SEMA3A: variants seen among roughly 807,000 people sequenced by gnomAD.
SEMA3A encodes the protein semaphorin 3A, also known as semaphorin-3A.
Under a neutral mutation model 97.9 loss-of-function variants are expected in SEMA3A, and 29 were observed. The observed-to-expected ratio is 0.30, with a 90% CI of 0.22 to 0.40. SEMA3A has a LOEUF of 0.40. Among genes scored for constraint, SEMA3A ranks in the 10% least tolerant of loss-of-function variants. The probability of loss-of-function intolerance (pLI) is 1.00; values close to 1 mark genes in which losing one functional copy is unlikely to be tolerated. For synonymous variants in SEMA3A, 321 were observed against 323.7 expected (o/e 0.99, Z 0.09); for missense variants, 763 against 951.3 (o/e 0.80, Z 2.60).
chr7:84,475,813 T>C (rs1806267201), intron 1 of SEMA3A, among the ~76,000 whole-genome samples: 1 of 152,218 alleles, frequency 6.6e-6, no homozygotes, highest in African/African-American at 2.4e-5. Flanking sequence ...AATTATTCCC[T>C]ATAGAATAGT....
At chr7:84,319,880 A>G (rs1278769407) in intron 2 of SEMA3A, among the ~76,000 whole-genome samples, 1 of 152,196 alleles carries the variant, frequency 6.6e-6, no homozygotes, top group African/African-American at 2.4e-5. Context: ...TCACAATATA[A>G]TGGATTTTCC....
intron 4 of SEMA3A, among the ~76,000 whole-genome samples, chr7:84,078,745 T>C (rs967955984): frequency 6.6e-6 from 1 of 151,884 alleles, no homozygotes; most frequent in Non-Finnish European, 1.5e-5. Context: ...ATATATATGT[T>C]ATATATACAC....
intron 1 of SEMA3A, among the ~76,000 whole-genome samples, chr7:84,171,779 A>G (rs1318958214): frequency 6.6e-6 from 1 of 152,156 alleles, no homozygotes; most frequent in Non-Finnish European, 1.5e-5. Flanking sequence ...GGAGGACCAA[A>G]TTATTTTAAT....
At chr7:84,467,524 CTA>C (rs1491298849) in intron 1 of SEMA3A, among the ~76,000 whole-genome samples, 1 of 69,956 alleles carries the variant, frequency 1.4e-5, no homozygotes, top group Non-Finnish European at 2.3e-5. Flanking sequence ...GAGACTCCTT[CTA>C]AAAAAAAAAA....
chr7:84,206,837 T>A (rs140065430), intron 3 of SEMA3A, among the ~76,000 whole-genome samples: 128 of 141,666 alleles, frequency 9.0e-4, no homozygotes, highest in African/African-American at 3.0e-3. Flanking sequence ...CAGGATATGG[T>A]AAAAAAAAAA....
At chr7:83,966,044 T>C (rs916957430) in intron 15 of SEMA3A, among the ~76,000 whole-genome samples, 5 of 151,992 alleles carry the variant, frequency 3.3e-5, no homozygotes, top group African/African-American at 9.7e-5. Context: ...ATCATTCTAG[T>C]TAGTCCACAG....
At chr7:84,116,423 A>G (rs1353515264) in intron 3 of SEMA3A, among the ~76,000 whole-genome samples, 2 of 152,190 alleles carry the variant, frequency 1.3e-5, no homozygotes, top group Non-Finnish European at 2.9e-5. Flanking sequence ...AACTTTTACA[A>G]TATAAAAAGG....
In SEMA3A at chr7:84,256,786, A is replaced by G. The variant is rs551744470; in HGVS notation, c.-83+50421T>C. Among the ~76,000 whole-genome samples, 5 of 152,154 alleles carry G rather than the reference A, an allele frequency of 3.3e-5. No individual in the cohort carries two copies. In the East Asian group the frequency reaches 9.7e-4, roughly 29 times the overall value. On this transcript the variant is annotated intron_variant, in intron 3 of 3. Transcript: ENST00000424555. ...TTTTAAACTTGTTTATGAGACATAA[A>G]TACAAAGTATTCTAAACCCTATAAT...
intron 1 of SEMA3A, among the ~76,000 whole-genome samples, chr7:84,399,015 C>T (rs753736147): frequency 6.6e-6 from 1 of 151,946 alleles, no homozygotes; most frequent in Admixed American, 6.6e-5. Flanking sequence ...AGCATAATGA[C>T]AAGAAAATAT....
chr7:84,407,100 G>C, intron 1 of SEMA3A, among the ~76,000 whole-genome samples: 1 of 152,126 alleles, frequency 6.6e-6, no homozygotes, highest in Non-Finnish European at 1.5e-5. Context: ...AGGAAAAGAG[G>C]AATTCAAATT....
chr7:84,468,287 T>G (rs1290799877), intron 1 of SEMA3A, among the ~76,000 whole-genome samples: 3 of 152,178 alleles, frequency 2.0e-5, no homozygotes, highest in African/African-American at 2.4e-5. Flanking sequence ...TGCAGAGCCC[T>G]TTTCCCCATC....
intron 15 of SEMA3A, among the ~76,000 whole-genome samples, chr7:83,972,014 C>T (rs913501686): frequency 1.1e-4 from 7 of 64,786 alleles, no homozygotes; most frequent in African/African-American, 3.3e-4. Flanking sequence ...TACATATATA[C>T]GTGTGTGTCT....
intron 1 of SEMA3A, among the ~76,000 whole-genome samples, chr7:84,181,370 A>G (rs2116237122): frequency 6.7e-6 from 1 of 150,264 alleles, no homozygotes; most frequent in East Asian, 1.9e-4. Context: ...GAAAGACTAT[A>G]TAACAGGAAA....
At chr7:84,405,892 C>T (rs1355135298) in intron 1 of SEMA3A, among the ~76,000 whole-genome samples, 4 of 152,068 alleles carry the variant, frequency 2.6e-5, no homozygotes, top group African/African-American at 4.8e-5. Flanking sequence ...GGGACACATT[C>T]AAAGCAGTAT....
chr7:84,458,275 C>G (rs961978527), intron 1 of SEMA3A, among the ~76,000 whole-genome samples: 3 of 151,928 alleles, frequency 2.0e-5, no homozygotes, highest in Non-Finnish European at 4.4e-5. Flanking sequence ...AAGAATACAT[C>G]TTATCTGTTA....
intron 1 of SEMA3A, among the ~76,000 whole-genome samples, chr7:84,489,789 T>C (rs941283255): frequency 1.3e-5 from 2 of 152,146 alleles, no homozygotes; most frequent in African/African-American, 4.8e-5. Context: ...ATATAATTCC[T>C]TCACTATAAG....
At chr7:84,350,321 T>C (rs943086005) in intron 2 of SEMA3A, among the ~76,000 whole-genome samples, 29 of 152,172 alleles carry the variant, frequency 1.9e-4, no homozygotes, top group African/African-American at 6.5e-4. Flanking sequence ...GGCTAGGTAC[T>C]TTGCAGGGGC....
At chr7:84,044,973 C>T (rs1792292933) in intron 6 of SEMA3A, among the ~76,000 whole-genome samples, 3 of 151,966 alleles carry the variant, frequency 2.0e-5, no homozygotes, top group Non-Finnish European at 4.4e-5. Context: ...ATAGGACATT[C>T]AGAAATGCTG....
intron 3 of SEMA3A, among the ~76,000 whole-genome samples, chr7:84,203,793 A>C (rs1242750945): frequency 6.6e-6 from 1 of 151,700 alleles, no homozygotes; most frequent in Non-Finnish European, 1.5e-5. Flanking sequence ...AGCCTCCCAA[A>C]GTGCTGGGAT....
Sources: allele counts gnomAD v4.1 joint callset (sites outside exome capture counted in the v4.1 genomes callset), GRCh38; gene constraint gnomAD v4.1.1; transcripts MANE v1.5; gene names NCBI Gene and HGNC (gene_info 2026-07-23, HGNC 2026-07-21).